FNBP1: variants seen among roughly 807,000 people sequenced by gnomAD.
The protein encoded by FNBP1 is formin binding protein 1, also known as formin-binding protein 1.
FNBP1 carries 26 observed loss-of-function variants against 90.6 expected under a neutral mutation model. The observed-to-expected ratio is 0.29, with a 90% CI of 0.21 to 0.40. The LOEUF (loss-of-function observed/expected upper bound fraction) is 0.40, where lower values mean the gene tolerates loss of function less well. FNBP1 is among the 10% of genes least tolerant of loss of function. The probability of loss-of-function intolerance (pLI) is 1.00; values close to 1 mark genes in which losing one functional copy is unlikely to be tolerated. For synonymous variants in FNBP1, 260 were observed against 265.2 expected (o/e 0.98, Z 0.19); for missense variants, 635 against 768.0 (o/e 0.83, Z 2.05).
chr9:129,995,833 A>G (rs545412464), intron 1 of FNBP1, among the ~76,000 whole-genome samples: 103 of 152,310 alleles, frequency 6.8e-4, no homozygotes, highest in Non-Finnish European at 1.2e-3. Flanking sequence ...GACAGCTCAG[A>G]GCTAGATCAC....
chr9:129,979,663 G>A (rs1037080797), intron 2 of FNBP1, among the ~76,000 whole-genome samples: 7 of 151,914 alleles, frequency 4.6e-5, no homozygotes, highest in African/African-American at 7.2e-5. Flanking sequence ...TTTTTGAGAC[G>A]GAGTCTCATT....
chr9:129,892,174 C>T (rs949200124), intron 16 of FNBP1, among the ~76,000 whole-genome samples: 5 of 152,118 alleles, frequency 3.3e-5, no homozygotes, highest in Admixed American at 2.0e-4. Context: ...ATTAAAACAA[C>T]TCATTCGAGT....
At chr9:129,975,330 A>G (rs923759423) in intron 4 of FNBP1, among the ~76,000 whole-genome samples, 10 of 152,188 alleles carry the variant, frequency 6.6e-5, no homozygotes, top group Admixed American at 2.6e-4. Context: ...ATTTTAATTT[A>G]ATAACAGAAT....
chr9:129,926,603 T>C (rs2041947571), intron 8 of FNBP1, among the ~76,000 whole-genome samples: 1 of 152,004 alleles, frequency 6.6e-6, no homozygotes, highest in African/African-American at 2.4e-5. Context: ...GAACCCTGTT[T>C]TGGCCGGGTG....
At chr9:129,958,817 C>T (rs901685107) in intron 4 of FNBP1, among the ~76,000 whole-genome samples, 6 of 150,232 alleles carry the variant, frequency 4.0e-5, no homozygotes, top group Non-Finnish European at 8.9e-5. Context: ...CCCCACTCTA[C>T]AAAAAAATAG....
intron 1 of FNBP1, among the ~76,000 whole-genome samples, chr9:130,004,220 G>A (rs1254385932): frequency 2.7e-5 from 4 of 150,454 alleles, no homozygotes; most frequent in African/African-American, 7.4e-5. Flanking sequence ...CCAAGATCGC[G>A]CCACTGTACT....
chr9:129,945,167 A>G lies in FNBP1; in HGVS notation c.513+12193T>C, dbSNP rs59031354. Among the ~76,000 whole-genome samples the G allele has an allele frequency of 9.1e-3, 1,391 of 152,292 alleles. 21 individuals are homozygous for G. Among genetic ancestry groups the G allele is most frequent in the African/African-American group, 0.032 (1,317 of 41,554 alleles). On this transcript the variant is annotated intron_variant, in intron 6 of 16. Transcript: ENST00000446176. ...ACAGACATAAAGAAGAGAATAATAA[A>G]CGTGTCTTTTCTAGAATCTTTCATT...
At chr9:129,968,871 C>A (rs2049011252) in intron 4 of FNBP1, among the ~76,000 whole-genome samples, 1 of 152,096 alleles carries the variant, frequency 6.6e-6, no homozygotes, top group African/African-American at 2.4e-5. Context: ...GAGTAATGAA[C>A]CATATTTTCC....
chr9:129,984,596 G>T (rs955033510), intron 2 of FNBP1, among the ~76,000 whole-genome samples: 2 of 152,172 alleles, frequency 1.3e-5, no homozygotes, highest in Admixed American at 6.5e-5. Context: ...TGCCCTGGGG[G>T]TTCGCCCCAA....
At chr9:129,901,135 G>A (rs1180332670) in intron 13 of FNBP1, among the ~76,000 whole-genome samples, 4 of 152,194 alleles carry the variant, frequency 2.6e-5, no homozygotes, top group African/African-American at 7.2e-5. Flanking sequence ...GGCCGGGCGC[G>A]GTGGCCACAC....
intron 1 of FNBP1, among the ~76,000 whole-genome samples, chr9:130,018,233 T>TAA (rs546803438): frequency 1.3e-5 from 2 of 148,842 alleles, no homozygotes; most frequent in African/African-American, 4.9e-5. Flanking sequence ...CCCTTTTGTT[T>TAA]AAAAAAAAAA....
At chr9:129,942,686 G>T (rs535750053) in intron 6 of FNBP1, among the ~76,000 whole-genome samples, 1 of 152,258 alleles carries the variant, frequency 6.6e-6, no homozygotes, top group East Asian at 1.9e-4. Context: ...ACATTTTATA[G>T]GTTTACCCTA....
intron 1 of FNBP1, among the ~76,000 whole-genome samples, chr9:130,018,479 A>G (rs546284172): frequency 2.6e-5 from 4 of 152,282 alleles, no homozygotes; most frequent in African/African-American, 9.6e-5. Context: ...TAGAGCCTAC[A>G]AACCTCCCTC....
chr9:129,973,270 A>G (rs1210766462), intron 4 of FNBP1, among the ~76,000 whole-genome samples: 1 of 152,158 alleles, frequency 6.6e-6, no homozygotes, highest in East Asian at 1.9e-4. Flanking sequence ...GGCCTCAGAA[A>G]ACCTGGATTT....
intron 1 of FNBP1, among the ~76,000 whole-genome samples, chr9:130,003,941 T>C (rs1038187881): frequency 7.1e-5 from 5 of 70,718 alleles, no homozygotes; most frequent in African/African-American, 2.3e-4. Flanking sequence ...AAAAGTAGTC[T>C]TCTGTAACCT....
At chr9:129,926,470 T>C (rs761295110) in intron 8 of FNBP1, among the ~76,000 whole-genome samples, 28 of 152,114 alleles carry the variant, frequency 1.8e-4, no homozygotes, top group Non-Finnish European at 3.2e-4. Flanking sequence ...ACATTTTTGA[T>C]TGTCACAACT....
At position 130,042,855 on chromosome 9, in the gene FNBP1, G is replaced by A. The variant is rs1589458404; in HGVS notation, c.24+97C>T. ...CGAGGACCCCGACCAGCGCGCCCTC[G>A]CCTCCGCCCAGCAGCGCGGCCCGCG... On this transcript the variant is annotated intron_variant, in intron 1 of 16. Coordinates refer to ENST00000446176, the MANE Select transcript of FNBP1 (RefSeq NM_015033.3). The surrounding 1 kb of genome is among the most constrained non-coding windows in gnomAD (Gnocchi z 5.5). The A allele has an allele frequency of 1.2e-6, 1 of 863,184 alleles. No individual in the cohort carries two copies. Among genetic ancestry groups the A allele is most frequent in the Non-Finnish European group, 1.5e-6 (1 of 655,804 alleles). The allele number at this position is 863,184 out of a possible 1,614,324, so 53.5% of individuals were successfully genotyped here.
intron 10 of FNBP1, among the ~76,000 whole-genome samples, chr9:129,918,528 A>G (rs2040600203): frequency 6.6e-6 from 1 of 152,246 alleles, no homozygotes. Flanking sequence ...GTTATTGGAC[A>G]GTCACAGTAC....
intron 4 of FNBP1, among the ~76,000 whole-genome samples, chr9:129,959,181 C>A (rs1280108314): frequency 6.6e-6 from 1 of 151,366 alleles, no homozygotes; most frequent in Non-Finnish European, 1.5e-5. Context: ...CACCTGTAGT[C>A]AGTTACTTGG....
Sources: allele counts gnomAD v4.1 joint callset (sites outside exome capture counted in the v4.1 genomes callset), GRCh38; gene constraint gnomAD v4.1.1; non-coding constraint Gnocchi (gnomAD v3.1); transcripts MANE v1.5; gene names NCBI Gene and HGNC (gene_info 2026-07-23, HGNC 2026-07-21).